The following UXS1 variants were observed in gnomAD, a reference collection of about 807,000 sequenced individuals.
UXS1 encodes UDP-glucuronate decarboxylase 1.
UXS1 carries 33 observed loss-of-function variants against 62.6 expected under a neutral mutation model. The observed-to-expected ratio is 0.53, with a 90% CI of 0.40 to 0.70. The LOEUF is 0.70. UXS1 is among the 30% of genes least tolerant of loss of function. The pLI is 0.00. For missense variants in UXS1, 434 were observed against 556.3 expected (o/e 0.78, Z 2.21); for synonymous variants, 213 against 206.8 (o/e 1.03, Z -0.26).
intron 4 of UXS1, among the ~76,000 whole-genome samples, chr2:106,162,069 C>T (rs1483379661): frequency 4.6e-5 from 7 of 152,144 alleles, no homozygotes; most frequent in Non-Finnish European, 8.8e-5. Context: ...TCCACCGTCA[C>T]GCTTTTTTAG....
At chr2:106,174,464 G>A (rs144579844) in intron 1 of UXS1, among the ~76,000 whole-genome samples, 1 of 152,350 alleles carries the variant, frequency 6.6e-6, no homozygotes, top group East Asian at 1.9e-4. Flanking sequence ...GAGCACCAGA[G>A]GCAGATAGTT....
rs546245062 is a variant in UXS1 at position 106,130,363 on chromosome 2, G to A, written c.473-585C>T. Among the ~76,000 whole-genome samples the A allele has an allele frequency of 7.9e-5, 12 of 152,268 alleles. No individual in the cohort carries two copies. In the South Asian group the frequency reaches 1.9e-3, roughly 24 times the overall value. ...TCACTTTAACGTCACTACCCACAGC[G>A]TTCCAGCACAGAACCAAGTCAGGTA... On this transcript the variant is annotated intron_variant, in intron 6 of 14. Transcript: ENST00000283148.
intron 1 of UXS1, among the ~76,000 whole-genome samples, chr2:106,172,441 A>T (rs1683625418): frequency 6.6e-6 from 1 of 152,252 alleles, no homozygotes; most frequent in African/African-American, 2.4e-5. Context: ...GTCTCTTTTT[A>T]AAAATTATTT....
chr2:106,112,040 A>G (rs4851924), intron 10 of UXS1, among the ~76,000 whole-genome samples: 146,520 of 152,282 alleles, frequency 0.96, 70,688 homozygotes, highest in East Asian at 1. Flanking sequence ...GGGCTGTGGG[A>G]ACAGGTGTGG....
chr2:106,169,483 G>T (rs1416959856), intron 1 of UXS1, among the ~76,000 whole-genome samples: 1 of 152,110 alleles, frequency 6.6e-6, no homozygotes. Flanking sequence ...AATCACTTGA[G>T]CTCTGGAGTT....
chr2:106,116,188 A>C (rs1679041586), intron 9 of UXS1, among the ~76,000 whole-genome samples: 1 of 152,232 alleles, frequency 6.6e-6, no homozygotes, highest in South Asian at 2.1e-4. Context: ...TCCCAAGGAC[A>C]GAAATGTTAC....
chr2:106,148,513 G>C (rs1263950821), intron 5 of UXS1, among the ~76,000 whole-genome samples: 1 of 152,204 alleles, frequency 6.6e-6, no homozygotes, highest in East Asian at 1.9e-4. Flanking sequence ...CAGAGATGCA[G>C]CGTATTAAAT....
chr2:106,098,809 G>C, intron 12 of UXS1, 36 bp from the exon 13 acceptor site: 1 of 1,587,598 alleles, frequency 6.3e-7, no homozygotes. Context: ...TAAGCGTCAT[G>C]ACAACAGCAG....
intron 9 of UXS1, among the ~76,000 whole-genome samples, chr2:106,117,037 C>T (rs1679113418): frequency 6.6e-6 from 1 of 152,208 alleles, no homozygotes; most frequent in African/African-American, 2.4e-5. Flanking sequence ...CTACTGTCTG[C>T]ACGCAGCTGG....
chr2:106,140,926 T>C (rs1681049598), intron 6 of UXS1, among the ~76,000 whole-genome samples: 1 of 152,104 alleles, frequency 6.6e-6, no homozygotes, highest in Non-Finnish European at 1.5e-5. Context: ...GAAAAGTAAA[T>C]TGGGACAGCA....
At chr2:106,172,523 A>G (rs765351420) in intron 1 of UXS1, among the ~76,000 whole-genome samples, 1 of 152,166 alleles carries the variant, frequency 6.6e-6, no homozygotes, top group Non-Finnish European at 1.5e-5. Context: ...CCTAATCCAC[A>G]CTGCCTTTTA....
intron 10 of UXS1, among the ~76,000 whole-genome samples, chr2:106,110,326 T>C (rs1678482166): frequency 6.6e-6 from 1 of 152,160 alleles, no homozygotes; most frequent in Non-Finnish European, 1.5e-5. Flanking sequence ...ACATGAGTTA[T>C]CACCTCTGCC....
At chr2:106,173,152 C>T (rs1683668340) in intron 1 of UXS1, among the ~76,000 whole-genome samples, 1 of 152,182 alleles carries the variant, frequency 6.6e-6, no homozygotes, top group African/African-American at 2.4e-5. Flanking sequence ...TTGTTCAGTG[C>T]TGTTATCTAG....
At chr2:106,161,200 T>TC (rs1682871547) in intron 4 of UXS1, among the ~76,000 whole-genome samples, 1 of 151,880 alleles carries the variant, frequency 6.6e-6, no homozygotes, top group Admixed American at 6.6e-5. Flanking sequence ...TTTTTTTTTT[T>TC]CCTTTTTTGA....
chr2:106,108,199 T>G (rs1313777282), intron 10 of UXS1, among the ~76,000 whole-genome samples: 5 of 152,256 alleles, frequency 3.3e-5, no homozygotes, highest in African/African-American at 9.6e-5. Context: ...GCCTACCTAT[T>G]TCACTAACAC....
At chr2:106,103,110 G>A (rs1677728657) in intron 11 of UXS1, among the ~76,000 whole-genome samples, 1 of 152,254 alleles carries the variant, frequency 6.6e-6, no homozygotes, top group African/African-American at 2.4e-5. Context: ...ACAGGACAGT[G>A]ACCAGGCCAT....
rs553030350 is a variant in UXS1 at position 106,105,920 on chromosome 2, G to A, written c.880-1083C>T. ...CAAGCTTGATTATAACAACCCTGGG[G>A]TCTCTTCCCGCCTGACAGCAAAAAA... On this transcript the variant is annotated intron_variant, in intron 10 of 14. Coordinates refer to ENST00000283148, the MANE Select transcript of UXS1 (RefSeq NM_001253875.2). Among the ~76,000 whole-genome samples, 221 of 152,204 alleles carry A rather than the reference G, an allele frequency of 1.5e-3. 1 individual carries two copies. The highest frequency in any genetic ancestry group is 2.0e-3 in the Non-Finnish European group (136 of 68,004).
chr2:106,175,829 A>T (rs1683842541), intron 1 of UXS1, among the ~76,000 whole-genome samples: 2 of 152,164 alleles, frequency 1.3e-5, no homozygotes, highest in Non-Finnish European at 2.9e-5. Context: ...CAAATTCCTG[A>T]TCCACCAAGC....
intron 6 of UXS1, among the ~76,000 whole-genome samples, chr2:106,139,224 C>T (rs1281993190): frequency 6.6e-6 from 1 of 152,072 alleles, no homozygotes; most frequent in South Asian, 2.1e-4. Context: ...CTCCAGAGAC[C>T]GCTAGAGACC....
Sources: gnomAD v4.1 joint callset for allele counts (sites outside exome capture counted in the v4.1 genomes callset) on GRCh38, gnomAD v4.1.1 for gene constraint, MANE v1.5 for transcripts, NCBI Gene and HGNC (gene_info 2026-07-23, HGNC 2026-07-21) for gene names.